ADARB2: variants seen among roughly 807,000 people sequenced by gnomAD.
ADARB2 encodes inactive double-stranded RNA-specific editase B2.
A neutral mutation model predicts 62.2 loss-of-function variants in ADARB2; 25 were observed. The ratio of observed to expected loss-of-function variants is 0.40; its 90% CI spans 0.29 to 0.56. ADARB2 has a LOEUF of 0.56. ADARB2 is among the 20% of genes least tolerant of loss of function. The probability of loss-of-function intolerance (pLI) is 0.43; values close to 1 mark genes in which losing one functional copy is unlikely to be tolerated. For missense variants in ADARB2, 1,071 were observed against 1,077.4 expected, an observed-to-expected ratio of 0.99 and a Z score of 0.08; for synonymous variants, 572 against 500.8, an observed-to-expected ratio of 1.14 and a Z score of -1.90.
chr10:1,199,214 A>AC (rs35859427), intron 8 of ADARB2, among the ~76,000 whole-genome samples: 323 of 150,684 alleles, frequency 2.1e-3, no homozygotes, highest in East Asian at 0.011. Flanking sequence ...TCGGAAACCC[A>AC]CCCCCCCGCT....
intron 1 of ADARB2, among the ~76,000 whole-genome samples, chr10:1,391,333 C>CT (rs1367042297): frequency 6.6e-6 from 1 of 152,174 alleles, no homozygotes; most frequent in East Asian, 1.9e-4. Flanking sequence ...GGATAAATTG[C>CT]TTGTTGAAAC....
chr10:1,344,338 A>G (rs1832059024), intron 3 of ADARB2, among the ~76,000 whole-genome samples: 1 of 152,204 alleles, frequency 6.6e-6, no homozygotes, highest in Non-Finnish European at 1.5e-5. Context: ...CGCGGCAATG[A>G]CCTGGTGAGA....
In ADARB2 at chr10:1,200,950, G is replaced by A. The variant is rs375113061; in HGVS notation, c.1683-803C>T. ...TGTTAGAGCAATTACTGCCATCCCC[G>A]CATGCAGCGTCTCTTTTCATGATTA... On this transcript the variant is annotated intron_variant, in intron 7 of 9. Transcript: ENST00000381312. Among the ~76,000 whole-genome samples the A allele has an allele frequency of 1.5e-3, 222 of 152,126 alleles. 3 individuals are homozygous for A. In the South Asian group the frequency reaches 0.039, roughly 27 times the overall value.
chr10:1,202,186 T>A (rs1836995549), intron 7 of ADARB2, among the ~76,000 whole-genome samples: 1 of 150,678 alleles, frequency 6.6e-6, no homozygotes, highest in South Asian at 2.1e-4. Flanking sequence ...CAAGCGATCC[T>A]CCCACCTCAG....
At chr10:1,239,940 GCC>G (rs1830892820) in intron 5 of ADARB2, among the ~76,000 whole-genome samples, 1 of 3,640 alleles carries the variant, frequency 2.7e-4, no homozygotes, top group Non-Finnish European at 3.9e-4. Flanking sequence ...ACTCCCCTCT[GCC>G]TCCCGGTGTT....
At chr10:1,475,111 C>G (rs764433277) in intron 1 of ADARB2, among the ~76,000 whole-genome samples, 1 of 152,136 alleles carries the variant, frequency 6.6e-6, no homozygotes, top group African/African-American at 2.4e-5. Context: ...GAAATCAACG[C>G]GGCGTCGTCA....
chr10:1,571,780 A>G (rs1832938776), intron 1 of ADARB2, among the ~76,000 whole-genome samples: 1 of 139,768 alleles, frequency 7.2e-6, no homozygotes, highest in African/African-American at 2.7e-5. Flanking sequence ...GTGAGTAGGC[A>G]GGTGATATGC....
intron 1 of ADARB2, among the ~76,000 whole-genome samples, chr10:1,385,410 T>A (rs1444697686): frequency 6.6e-6 from 1 of 152,082 alleles, no homozygotes; most frequent in Non-Finnish European, 1.5e-5. Context: ...ATATGATAAG[T>A]AAATAGATGG....
rs1044295865 is a variant in ADARB2 at position 1,243,297 on chromosome 10, G to A, written c.1193-998C>T. On this transcript the variant is annotated intron_variant, in intron 4 of 9. Coordinates refer to ENST00000381312, the MANE Select transcript of ADARB2 (RefSeq NM_018702.4). ...CGGAGACGCGTTAGCCGCTGACCGCGGCCACGTCCACAGAGTTACCTGTAA... is the reference window on the plus strand; with the variant it reads ...CGGAGACGCGTTAGCCGCTGACCGCAGCCACGTCCACAGAGTTACCTGTAA... Among the ~76,000 whole-genome samples the A allele has an allele frequency of 1.1e-4, 17 of 152,226 alleles. 2 individuals are homozygous for A. The highest frequency in any genetic ancestry group is 2.7e-4 in the African/African-American group (11 of 41,456).
chr10:1,326,720 A>AGCGCCTCCCCATGGCACG (rs1831850329), intron 3 of ADARB2, among the ~76,000 whole-genome samples: 1 of 148,040 alleles, frequency 6.8e-6, no homozygotes, highest in South Asian at 2.3e-4. Flanking sequence ...GTCTCCTCAC[A>AGCGCCTCCCCATGGCACG]GCGCCTCCCC....
intron 1 of ADARB2, among the ~76,000 whole-genome samples, chr10:1,562,130 G>A (rs922041045): frequency 2.0e-5 from 3 of 151,570 alleles, no homozygotes; most frequent in African/African-American, 7.3e-5. Flanking sequence ...GGGACCCTTG[G>A]TTCTTCTGCC....
intron 6 of ADARB2, among the ~76,000 whole-genome samples, chr10:1,232,885 ATGTG>A (rs1181913975): frequency 1.5e-4 from 22 of 142,080 alleles, no homozygotes; most frequent in Non-Finnish European, 3.1e-4. Context: ...TGTGTGTTGT[ATGTG>A]TGTGGTGTGT....
At chr10:1,710,890 C>T (rs1011048237) in intron 1 of ADARB2, among the ~76,000 whole-genome samples, 3 of 152,180 alleles carry the variant, frequency 2.0e-5, no homozygotes, top group Non-Finnish European at 2.9e-5. Context: ...GATACCTCCA[C>T]AGATGCTTCC....
chr10:1,398,845 C>G lies in ADARB2; in HGVS notation c.101-19685G>C, dbSNP rs1832637986. Among the ~76,000 whole-genome samples the G allele has an allele frequency of 6.6e-6, 1 of 152,130 alleles. No individual in the cohort carries two copies. The highest frequency in any genetic ancestry group is 2.4e-5 in the African/African-American group (1 of 41,430). ...TTCTCCCTCCGCAGCAGCAGCGCAGCCTGCACGAGGTTGCTGGGGGAAACA... is the reference window on the plus strand; with the variant it reads ...TTCTCCCTCCGCAGCAGCAGCGCAGGCTGCACGAGGTTGCTGGGGGAAACA... On this transcript the variant is annotated intron_variant, in intron 1 of 9. Coordinates refer to ENST00000381312, the MANE Select transcript of ADARB2 (RefSeq NM_018702.4). This position sits in a 1 kb window ranked among gnomAD's most constrained non-coding sequence, Gnocchi z 4.1.
intron 4 of ADARB2, among the ~76,000 whole-genome samples, 187 bp downstream of exon 4, chr10:1,270,768 A>G (rs1315371078): frequency 2.6e-5 from 4 of 152,196 alleles, no homozygotes; most frequent in African/African-American, 9.7e-5. Context: ...TCACAGCACC[A>G]TGGTCAGGAT....
chr10:1,273,165 G>T, intron 3 of ADARB2, among the ~76,000 whole-genome samples: 1 of 150,354 alleles, frequency 6.7e-6, no homozygotes, highest in East Asian at 2.0e-4. Flanking sequence ...CTCAGTCACC[G>T]TCATGGGGTT....
intron 1 of ADARB2, among the ~76,000 whole-genome samples, chr10:1,392,199 T>C (rs79700539): frequency 6.6e-6 from 1 of 152,336 alleles, no homozygotes; most frequent in Non-Finnish European, 1.5e-5. Context: ...CACTTCTGCC[T>C]TTCCCTTTTG....
chr10:1,419,090 A>T (rs917203048), intron 1 of ADARB2, among the ~76,000 whole-genome samples: 4 of 135,332 alleles, frequency 3.0e-5, no homozygotes, highest in South Asian at 2.2e-4. Context: ...ATGTACAGTG[A>T]TGTGTCTTTT....
At chr10:1,447,888 G>A (rs534563860) in intron 1 of ADARB2, among the ~76,000 whole-genome samples, 5 of 152,264 alleles carry the variant, frequency 3.3e-5, no homozygotes, top group East Asian at 3.9e-4. Flanking sequence ...CTTCACCCAC[G>A]TTGCTGCAAA....
Sources: allele counts gnomAD v4.1 joint callset (sites outside exome capture counted in the v4.1 genomes callset), GRCh38; gene constraint gnomAD v4.1.1; non-coding constraint Gnocchi (gnomAD v3.1); transcripts MANE v1.5; gene names NCBI Gene and HGNC (gene_info 2026-07-23, HGNC 2026-07-21).